The following BRIP1 variants were observed in gnomAD, a reference collection of about 807,000 sequenced individuals.
BRIP1 encodes the protein BRCA1 interacting DNA helicase 1, also known as Fanconi anemia group J protein.
BRIP1 carries 88 observed loss-of-function variants against 119.7 expected under a neutral mutation model. The observed-to-expected ratio is 0.74, with a 90% CI of 0.62 to 0.88. The LOEUF is 0.88. BRIP1 is among the 40% of genes least tolerant of loss of function. The pLI is 0.00. For synonymous variants in BRIP1, 443 were observed against 496.5 expected (o/e 0.89, Z 1.43); for missense variants, 1,259 against 1,455.4 (o/e 0.87, Z 2.20).
chr17:61,840,564 C>T (rs2078644149), intron 6 of BRIP1, among the ~76,000 whole-genome samples: 1 of 151,964 alleles, frequency 6.6e-6, no homozygotes, highest in Admixed American at 6.6e-5. Context: ...ATCGCTTAAG[C>T]CCAGGAGTTT....
intron 14 of BRIP1, among the ~76,000 whole-genome samples, chr17:61,750,916 T>A (rs1264328248): frequency 6.6e-6 from 1 of 152,178 alleles, no homozygotes; most frequent in Non-Finnish European, 1.5e-5. Flanking sequence ...AGGAAAACAG[T>A]CTGGCAGTTC....
intron 4 of BRIP1, among the ~76,000 whole-genome samples, chr17:61,854,493 C>T (rs117077613): frequency 0.025 from 3,861 of 152,050 alleles, 73 homozygotes; most frequent in Middle Eastern, 0.12. Flanking sequence ...GATCACTTGA[C>T]GTCAGGAGCT....
chr17:61,823,421 C>T lies in BRIP1; in HGVS notation c.628-14664G>A, dbSNP rs533545843. ...AAACAAAGAGGTGATAACTACATTA[C>T]TTTACTTCTACAGATGAAAACACAA... On this transcript the variant is annotated intron_variant, in intron 6 of 19. Transcript: ENST00000259008. This position sits in a 1 kb window ranked among gnomAD's most constrained non-coding sequence, Gnocchi z 4.8. Among the ~76,000 whole-genome samples, 77 of 152,232 alleles carry T rather than the reference C, an allele frequency of 5.1e-4. 3 individuals carry two copies. The South Asian group carries it at 0.016, about 31-fold the overall frequency.
At position 61,759,490 on chromosome 17, in the gene BRIP1, C is replaced by T. The variant is rs888927382; in HGVS notation, c.2098-14899G>A. ...ACAATAATAGTAGGAGACATTGATA[C>T]CCCACTTTCAACAATGAACAAATCA... On this transcript the variant is annotated intron_variant, in intron 14 of 19. Coordinates refer to ENST00000259008, the MANE Select transcript of BRIP1 (RefSeq NM_032043.3). The surrounding 1 kb of genome is among the most constrained non-coding windows in gnomAD (Gnocchi z 4.9). Among the ~76,000 whole-genome samples, 7 of 151,928 alleles carry T rather than the reference C, an allele frequency of 4.6e-5. No homozygotes were observed. Among genetic ancestry groups the T allele is most frequent in the African/African-American group, 1.7e-4 (7 of 41,376 alleles).
chr17:61,803,486 T>A lies in BRIP1; in HGVS notation c.919-2012A>T, dbSNP rs980819513. ...GAGAGGCCAAGGCCGGAGGACTGCA[T>A]GAGCCTAGGAGTTCAAGACCAGCTG... is the stretch of plus-strand genomic sequence containing the variant. On this transcript the variant is annotated intron_variant, in intron 7 of 19. Transcript: ENST00000259008. The surrounding 1 kb of genome is among the most constrained non-coding windows in gnomAD (Gnocchi z 4.3). Among the ~76,000 whole-genome samples the A allele has an allele frequency of 3.3e-5, 5 of 152,080 alleles. No homozygotes were observed. The highest frequency in any genetic ancestry group is 5.9e-5 in the Non-Finnish European group (4 of 67,998).
At position 61,683,517 on chromosome 17, in the gene BRIP1, T is replaced by TAAA; in HGVS notation, c.3528_3529insTTT (p.Ile1176_Lys1177insPhe). 1 of 1,613,584 alleles carries TAAA rather than the reference T, an allele frequency of 6.2e-7. No homozygotes were observed. Among genetic ancestry groups the TAAA allele is most frequent in the South Asian group, 1.1e-5 (1 of 91,070 alleles). On this transcript the variant is annotated inframe_insertion, in exon 20 of 20. Coordinates refer to ENST00000259008, the MANE Select transcript of BRIP1 (RefSeq NM_032043.3). The surrounding 1 kb of genome is among the most constrained non-coding windows in gnomAD (Gnocchi z 4.7). Reference sequence around the variant, plus strand: ...ACTTCTCTGGCTGAATCTACTTCTTTTATAGTTCTAATTTCAAAAAGGTCT... The same window carrying TAAA: ...ACTTCTCTGGCTGAATCTACTTCTTTAAATATAGTTCTAATTTCAAAAAGGTCT...
chr17:61,849,257 C>A lies in BRIP1; in HGVS notation c.380-1G>T, dbSNP rs2145767071. 1 of 1,610,278 alleles carries A rather than the reference C, an allele frequency of 6.2e-7. No homozygotes were observed. The highest frequency in any genetic ancestry group is 1.1e-5 in the South Asian group (1 of 90,566). ...GCCAGAGTGGTTTTTTCAGGGGAGT[C>A]TTATATAAGTAATTTAAAAAAAACA... On this transcript the variant is annotated splice_acceptor_variant, in intron 4 of 19. Coordinates refer to ENST00000259008, the MANE Select transcript of BRIP1 (RefSeq NM_032043.3). LOFTEE classifies it high-confidence loss of function.
At position 61,774,819 on chromosome 17, in the gene BRIP1, T is replaced by TTG; in HGVS notation, c.2097+1581_2097+1582insCA. ...TCACTAAAAAGTTATTTCAATGTTA[T>TTG]AGTCTCTAGTCACCCAATTATAAAT... On this transcript the variant is annotated intron_variant, in intron 14 of 19. Coordinates refer to ENST00000259008, the MANE Select transcript of BRIP1 (RefSeq NM_032043.3). The surrounding 1 kb of genome is among the most constrained non-coding windows in gnomAD (Gnocchi z 5.8). Among the ~76,000 whole-genome samples the TTG allele has an allele frequency of 6.6e-6, 1 of 152,218 alleles. No individual in the cohort carries two copies. Among genetic ancestry groups the TTG allele is most frequent in the Non-Finnish European group, 1.5e-5 (1 of 68,034 alleles).
intron 11 of BRIP1, 108 bp from the exon 12 acceptor site, chr17:61,781,113 T>A: frequency 1.0e-6 from 1 of 963,904 alleles, no homozygotes; most frequent in Non-Finnish European, 1.6e-6. Context: ...AAAGAGCTGG[T>A]ACCTTCCCAT....
intron 16 of BRIP1, among the ~76,000 whole-genome samples, chr17:61,741,918 T>C (rs149886383): frequency 2.6e-5 from 4 of 152,352 alleles, no homozygotes; most frequent in Non-Finnish European, 5.9e-5. Context: ...CTCTGAAGCT[T>C]TGAGGTCAGG....
Position 61,699,951 on chromosome 17 carries a change from G to A in BRIP1, c.2493-6439C>T, listed in dbSNP as rs890212729. ...CTCATTGCTCGGGGAAGTGTGTCCT[G>A]TGTAACTGCACTGGGAGAGGACACT... is the stretch of plus-strand genomic sequence containing the variant. On this transcript the variant is annotated intron_variant, in intron 17 of 19. Coordinates refer to ENST00000259008, the MANE Select transcript of BRIP1 (RefSeq NM_032043.3). This position sits in a 1 kb window ranked among gnomAD's most constrained non-coding sequence, Gnocchi z 4.8. 1.3e-5 allele frequency among the ~76,000 whole-genome samples: 2 copies of A among 152,164 alleles called. No homozygotes were observed. The highest frequency in any genetic ancestry group is 2.9e-5 in the Non-Finnish European group (2 of 68,030).
chr17:61,836,508 T>G (rs1343421916), intron 6 of BRIP1, among the ~76,000 whole-genome samples: 1 of 152,202 alleles, frequency 6.6e-6, no homozygotes, highest in Non-Finnish European at 1.5e-5. Context: ...AATTGTAAGC[T>G]ACAAGAAACA....
intron 6 of BRIP1, among the ~76,000 whole-genome samples, chr17:61,817,870 T>C (rs896076051): frequency 2.6e-5 from 4 of 152,176 alleles, no homozygotes; most frequent in Admixed American, 6.5e-5. Context: ...TAGGTAAAAA[T>C]GGGTTCTGCA....
At chr17:61,749,450 C>T (rs2077103862) in intron 14 of BRIP1, among the ~76,000 whole-genome samples, 1 of 151,944 alleles carries the variant, frequency 6.6e-6, no homozygotes, top group South Asian at 2.1e-4. Flanking sequence ...CATGAATAGA[C>T]AGTTCTCCAA....
chr17:61,738,828 G>A lies in BRIP1; in HGVS notation c.2379+4185C>T. ...TTATTTTCCTTTACTAAAAATTATG[G>A]AAAAAGTTAAAATTCTTTTGATAAC... On this transcript the variant is annotated intron_variant, in intron 16 of 19. Transcript: ENST00000259008. This position sits in a 1 kb window ranked among gnomAD's most constrained non-coding sequence, Gnocchi z 4.2. 6.6e-6 allele frequency among the ~76,000 whole-genome samples: 1 copy of A among 151,894 alleles called. No homozygotes were observed. The highest frequency in any genetic ancestry group is 1.5e-5 in the Non-Finnish European group (1 of 67,934).
rs567636698 is a variant in BRIP1, at chr17:61,735,390, G to A, written c.2379+7623C>T. ...TAAGACTCTGTATTGGCTGACTGGG[G>A]CTAGAGAGCTTCCTATTGGCCTCTG... On this transcript the variant is annotated intron_variant, in intron 16 of 19. Coordinates refer to ENST00000259008, the MANE Select transcript of BRIP1 (RefSeq NM_032043.3). The surrounding 1 kb of genome is among the most constrained non-coding windows in gnomAD (Gnocchi z 4.4). 6.6e-6 allele frequency among the ~76,000 whole-genome samples: 1 copy of A among 152,032 alleles called. No individual in the cohort carries two copies. Among genetic ancestry groups the A allele is most frequent in the Non-Finnish European group, 1.5e-5 (1 of 67,974 alleles).
chr17:61,683,218 T>C lies in BRIP1; in HGVS notation c.*78A>G, dbSNP rs2061293781. ...TTTAAAAAGTATGCCACTTATTCAATTTACAAATTATTACTTACAACAGAG... is the reference window on the plus strand; with the variant it reads ...TTTAAAAAGTATGCCACTTATTCAACTTACAAATTATTACTTACAACAGAG... On this transcript the variant is annotated 3_prime_UTR_variant, in exon 20 of 20. Transcript: ENST00000259008. The surrounding 1 kb of genome is among the most constrained non-coding windows in gnomAD (Gnocchi z 4.7). The C allele has an allele frequency of 6.2e-6, 9 of 1,442,532 alleles. No homozygotes were observed. The South Asian group carries it at 1.1e-4, about 18-fold the overall frequency. 89.4% of individuals were successfully genotyped at this position (1,442,532 alleles called of 1,614,324 possible). A position where few individuals can be genotyped will look rare whatever the true frequency, so the allele number is the denominator to read the frequency against.
rs904645428 is a variant in BRIP1, at chr17:61,729,893, C to T, written c.2379+13120G>A. On this transcript the variant is annotated intron_variant, in intron 16 of 19. Coordinates refer to ENST00000259008, the MANE Select transcript of BRIP1 (RefSeq NM_032043.3). This position sits in a 1 kb window ranked among gnomAD's most constrained non-coding sequence, Gnocchi z 5.6. ...GGTGTCTAGATCCCACTACCGGCATCTAGTGGGTAAATGCTAGAGATGCTG... is the reference window on the plus strand; with the variant it reads ...GGTGTCTAGATCCCACTACCGGCATTTAGTGGGTAAATGCTAGAGATGCTG... Among the ~76,000 whole-genome samples, 1 of 152,072 alleles carries T rather than the reference C, an allele frequency of 6.6e-6. No homozygotes were observed. Among genetic ancestry groups the T allele is most frequent in the Non-Finnish European group, 1.5e-5 (1 of 68,026 alleles).
chr17:61,780,195 T>TTGTTTACA lies in BRIP1; in HGVS notation c.1935+58_1935+65dup. On this transcript the variant is annotated intron_variant, in intron 13 of 19. Transcript: ENST00000259008. This position sits in a 1 kb window ranked among gnomAD's most constrained non-coding sequence, Gnocchi z 5.4. Reference sequence around the variant, plus strand: ...GCTGGCACTTCAGGTATCTTCTAACTTGTTTACATAGTTATATTGAAGTAG... The same window carrying TTGTTTACA: ...GCTGGCACTTCAGGTATCTTCTAACTTGTTTACATGTTTACATAGTTATATTGAAGTAG... The TTGTTTACA allele has an allele frequency of 1.3e-6, 2 of 1,513,362 alleles. No homozygotes were observed. Among genetic ancestry groups the TTGTTTACA allele is most frequent in the Non-Finnish European group, 1.8e-6 (2 of 1,098,388 alleles). 93.7% of individuals were successfully genotyped at this position (1,513,362 alleles called of 1,614,324 possible).
Sources: gnomAD v4.1 joint callset for allele counts (sites outside exome capture counted in the v4.1 genomes callset) on GRCh38, gnomAD v4.1.1 for gene constraint, Gnocchi (gnomAD v3.1) non-coding constraint, MANE v1.5 for transcripts, NCBI Gene and HGNC (gene_info 2026-07-23, HGNC 2026-07-21) for gene names.